The following APOC2 variants were observed in gnomAD, a reference collection of about 807,000 sequenced individuals.
The protein encoded by APOC2 is apolipoprotein C-II.
APOC2 carries 6 observed loss-of-function variants against 10.2 expected under a neutral mutation model. That is an observed-to-expected ratio of 0.59 (90% confidence interval 0.32 to 1.16). APOC2 has a LOEUF of 1.16. Among genes scored for constraint, APOC2 ranks in the 50% most tolerant of loss-of-function variants. The probability of loss-of-function intolerance (pLI) is 0.05; values close to 1 mark genes in which losing one functional copy is unlikely to be tolerated. For synonymous variants in APOC2, 56 were observed against 48.5 expected, an observed-to-expected ratio of 1.15 and a Z score of -0.64; for missense variants, 110 against 117.6, an observed-to-expected ratio of 0.94 and a Z score of 0.30.
Position 44,948,806 on chromosome 19 carries a change from C to G in APOC2, c.161C>G (p.Ala54Gly), listed in dbSNP as rs761724352. ...LSSYWESAKT[A>G]AQNLYEKTYL... ...AGTTACTGGGAGTCAGCAAAGACAGCCGCCCAGAACCTGTACGAGAAGACA... is the reference window on the plus strand; with the variant it reads ...AGTTACTGGGAGTCAGCAAAGACAGGCGCCCAGAACCTGTACGAGAAGACA... The change falls in exon 3 of 4, where the codon GCC (alanine) becomes GGC (glycine). Residue 54 changes from alanine to glycine, a missense_variant. By Grantham distance (60) the Ala-to-Gly change is moderately conservative. Transcript: ENST00000252490. 2.5e-6 allele frequency: 4 copies of G among 1,614,068 alleles called. No individual in the cohort carries two copies. The African/African-American group carries it at 5.3e-5, about 22-fold the overall frequency.
At chr19:44,949,133 T>G (rs1970356769) in intron 3 of APOC2, 26 bp from the exon 4 acceptor site, 7 of 1,592,970 alleles carry the variant, frequency 4.4e-6, no homozygotes, top group Non-Finnish European at 6.0e-6. Context: ...CCCTCCTCCC[T>G]CTAACCATCT....
intron 1 of APOC2, 169 bp from the exon 2 acceptor site, chr19:44,948,297 A>C (rs1386620339): frequency 4.6e-6 from 3 of 651,166 alleles, no homozygotes; most frequent in Non-Finnish European, 8.4e-6. Flanking sequence ...GAATGTTGGA[A>C]AGTGAGGCCC....
intron 1 of APOC2, among the ~76,000 whole-genome samples, chr19:44,946,649 G>C (rs1036441478): frequency 6.6e-6 from 1 of 151,782 alleles, no homozygotes; most frequent in Non-Finnish European, 1.5e-5. Flanking sequence ...TGGTGAAACC[G>C]CATCTATACT....
In APOC2 at chr19:44,949,555, C is replaced by T. The variant is rs1130742; in HGVS notation, c.*306C>T. The T allele has an allele frequency of 0.28, 101,765 of 364,462 alleles. 15,158 individuals carry two copies. The highest frequency in any genetic ancestry group is 0.45 in the East Asian group (7,920 of 17,694). 22.6% of individuals were successfully genotyped at this position (364,462 alleles called of 1,614,324 possible). ...GCAGTGAATAGTAACAATAAATAAT[C>T]GTAACAGCAATTAGAGACTAATCTT... On this transcript the variant is annotated 3_prime_UTR_variant, in exon 4 of 4. Transcript: ENST00000252490.
chr19:44,947,874 C>G lies in APOC2; in HGVS notation c.-13-592C>G, dbSNP rs12721058. 2.2e-3 allele frequency among the ~76,000 whole-genome samples: 337 copies of G among 152,210 alleles called. 2 individuals carry two copies. Among genetic ancestry groups the G allele is most frequent in the African/African-American group, 7.8e-3 (325 of 41,524 alleles). ...CACGAGGTCAGAAGTTCGAGACCAG[C>G]CTGGCCAGCATGGTGAAACCCCATC... is the stretch of plus-strand genomic sequence containing the variant. On this transcript the variant is annotated intron_variant, in intron 1 of 3. Coordinates refer to ENST00000252490, the MANE Select transcript of APOC2 (RefSeq NM_000483.5).
At chr19:44,948,242 G>GA in intron 1 of APOC2, 2 of 480,396 alleles carry the variant, frequency 4.2e-6, no homozygotes, top group South Asian at 2.3e-5. Context: ...TCTCAAAAAA[G>GA]AAAAAAATAA....
chr19:44,949,399 G>A lies in APOC2; in HGVS notation c.*150G>A. 1 of 701,156 alleles carries A rather than the reference G, an allele frequency of 1.4e-6. No individual in the cohort carries two copies. Among genetic ancestry groups the A allele is most frequent in the Non-Finnish European group, 2.5e-6 (1 of 395,482 alleles). The allele number at this position is 701,156 out of a possible 1,614,324, so 43.4% of individuals were successfully genotyped here. A position where few individuals can be genotyped will look rare whatever the true frequency, so the allele number is the denominator to read the frequency against. ...TTCAATAAAAAATACAATTCAAGTTGCTTCTCATGGATGGCACTGCTTTTC... is the reference window on the plus strand; with the variant it reads ...TTCAATAAAAAATACAATTCAAGTTACTTCTCATGGATGGCACTGCTTTTC... On this transcript the variant is annotated 3_prime_UTR_variant, in exon 4 of 4. Coordinates refer to ENST00000252490, the MANE Select transcript of APOC2 (RefSeq NM_000483.5).
rs746715271 is a variant in APOC2 at position 44,948,705 on chromosome 19, C to T, written c.60C>T (p.Val20=). 8.1e-6 allele frequency: 13 copies of T among 1,613,968 alleles called. No homozygotes were observed. In the African/African-American group the frequency reaches 1.7e-4, roughly 22 times the overall value. ...TGACACACTCTCCCCCTGCAGAGGT[C>T]CAGGGGACCCAACAGCCCCAGCAAG... is the stretch of plus-strand genomic sequence containing the variant. ...FLVLLVLGFE[V]QGTQQPQQDE... The change falls in exon 3 of 4, where the codon GTC becomes GTT. Residue 20 remains valine (V), a synonymous_variant. Coordinates refer to ENST00000252490, the MANE Select transcript of APOC2 (RefSeq NM_000483.5).
At position 44,949,366 on chromosome 19, in the gene APOC2, G is replaced by C; in HGVS notation, c.*117G>C. Reference sequence around the variant, plus strand: ...TGCATCCTCCTCCCAACTCTAGCCTGAATTCTTTTCAATAAAAAATACAAT... The same window carrying C: ...TGCATCCTCCTCCCAACTCTAGCCTCAATTCTTTTCAATAAAAAATACAAT... On this transcript the variant is annotated 3_prime_UTR_variant, in exon 4 of 4. Coordinates refer to ENST00000252490, the MANE Select transcript of APOC2 (RefSeq NM_000483.5). 3 of 783,402 alleles carry C rather than the reference G, an allele frequency of 3.8e-6. No individual in the cohort carries two copies. Among genetic ancestry groups the C allele is most frequent in the Non-Finnish European group, 6.6e-6 (3 of 454,172 alleles). The allele number at this position is 783,402 out of a possible 1,614,324, so 48.5% of individuals were successfully genotyped here.
Position 44,948,843 on chromosome 19 carries a change from T to C in APOC2, c.198T>C (p.Ala66=), listed in dbSNP as rs1970351992. The C allele has an allele frequency of 6.2e-7, 1 of 1,613,110 alleles. No homozygotes were observed. The highest frequency in any genetic ancestry group is 8.5e-7 in the Non-Finnish European group (1 of 1,180,020). Residue 66 remains alanine (A), a synonymous_variant, in exon 3 of 4, where the codon GCT becomes GCC. Coordinates refer to ENST00000252490, the MANE Select transcript of APOC2 (RefSeq NM_000483.5). ...QNLYEKTYLP[A]VDEKLRDLYS... is the part of the protein sequence containing the mutation. ...TGTACGAGAAGACATACCTGCCCGC[T>C]GTAGATGAGAAACTCAGGTAGCACC...
In APOC2 at chr19:44,948,470, C is replaced by T. The variant is rs771619436; in HGVS notation, c.-9C>T. ...GACACCCCCTCAATGTTCCAGGTCT[C>T]TGGACACTATGGGCACACGACTCCT... On this transcript the variant is annotated 5_prime_UTR_variant, in exon 2 of 4. Transcript: ENST00000252490. 1.9e-6 allele frequency: 3 copies of T among 1,613,858 alleles called. No individual in the cohort carries two copies. The African/African-American group carries it at 4.0e-5, about 22-fold the overall frequency.
intron 1 of APOC2, among the ~76,000 whole-genome samples, chr19:44,947,492 G>C (rs1970334644): frequency 6.6e-6 from 1 of 152,134 alleles, no homozygotes; most frequent in Non-Finnish European, 1.5e-5. Flanking sequence ...GAACTGTTTA[G>C]GTGCTCAAGA....
intron 1 of APOC2, 50 bp from the exon 2 acceptor site, chr19:44,948,416 A>T: frequency 6.5e-7 from 1 of 1,528,156 alleles, no homozygotes; most frequent in Non-Finnish European, 9.1e-7. Flanking sequence ...TGACCACAGG[A>T]ACAGCCGCCT....
intron 1 of APOC2, among the ~76,000 whole-genome samples, chr19:44,947,893 C>G (rs895806157): frequency 6.6e-6 from 1 of 152,196 alleles, no homozygotes; most frequent in African/African-American, 2.4e-5. Context: ...CATGGTGAAA[C>G]CCCATCTCTA....
In APOC2 at chr19:44,949,473, T is replaced by C; in HGVS notation, c.*224T>C. ...AGGGGCTGACTCAGTCCAGCCAACA[T>C]TTAATGAGCACCTACTTTATGTATG... is the stretch of plus-strand genomic sequence containing the variant. On this transcript the variant is annotated 3_prime_UTR_variant, in exon 4 of 4. Coordinates refer to ENST00000252490, the MANE Select transcript of APOC2 (RefSeq NM_000483.5). The C allele has an allele frequency of 1.7e-6, 1 of 586,602 alleles. No homozygotes were observed. The highest frequency in any genetic ancestry group is 3.1e-6 in the Non-Finnish European group (1 of 326,634). The allele number at this position is 586,602 out of a possible 1,614,324, so 36.3% of individuals were successfully genotyped here. A position where few individuals can be genotyped will look rare whatever the true frequency, so the allele number is the denominator to read the frequency against.
rs746636795 is a variant in APOC2 at position 44,948,549 on chromosome 19, C to T, written c.55+16C>T. ...TTGGGATTTGGTGAGTGTGGGCTTC[C>T]GGGGAGGGAAGCCTTGGGGAGGGGA... On this transcript the variant is annotated intron_variant, in intron 2 of 3. Transcript: ENST00000252490. The T allele has an allele frequency of 5.0e-6, 8 of 1,613,628 alleles. No homozygotes were observed. Among genetic ancestry groups the T allele is most frequent in the Middle Eastern group, 1.7e-4 (1 of 6,060 alleles).
rs1970361028 is a variant in APOC2, at chr19:44,949,477, A to C, written c.*228A>C. 1 of 580,008 alleles carries C rather than the reference A, an allele frequency of 1.7e-6. No individual in the cohort carries two copies. Among genetic ancestry groups the C allele is most frequent in the Non-Finnish European group, 3.1e-6 (1 of 322,766 alleles). 35.9% of individuals were successfully genotyped at this position (580,008 alleles called of 1,614,324 possible). On this transcript the variant is annotated 3_prime_UTR_variant, in exon 4 of 4. Coordinates refer to ENST00000252490, the MANE Select transcript of APOC2 (RefSeq NM_000483.5). ...GCTGACTCAGTCCAGCCAACATTTA[A>C]TGAGCACCTACTTTATGTATGGAGC...
At chr19:44,947,844 C>T (rs12721061) in intron 1 of APOC2, among the ~76,000 whole-genome samples, 1,685 of 151,422 alleles carry the variant, frequency 0.011, 26 homozygotes, top group African/African-American at 0.035. Flanking sequence ...CCAAGGTGGG[C>T]GGATCACGAG....
chr19:44,946,224 T>A (rs927717775), intron 1 of APOC2, 149 bp downstream of exon 1: 1 of 131,156 alleles, frequency 7.6e-6, no homozygotes, highest in African/African-American at 2.8e-5. Flanking sequence ...TGTGTGTGTG[T>A]GTGTGTGTGT....
Sources: gnomAD v4.1 joint callset for allele counts (sites outside exome capture counted in the v4.1 genomes callset) on GRCh38, gnomAD v4.1.1 for gene constraint, MANE v1.5 for transcripts, NCBI Gene and HGNC (gene_info 2026-07-23, HGNC 2026-07-21) for gene names.